The following RALYL variants were observed in gnomAD, a reference collection of about 807,000 sequenced individuals.
RALYL encodes RNA-binding Raly-like protein.
Under a neutral mutation model 35.1 loss-of-function variants are expected in RALYL, and 29 were observed. That is an observed-to-expected ratio of 0.83 (90% CI 0.61 to 1.13). The LOEUF is 1.13. Ranked by LOEUF, RALYL falls within the 50% of genes most tolerant of loss-of-function variation. The probability of loss-of-function intolerance (pLI) is 0.00; values close to 1 mark genes in which losing one functional copy is unlikely to be tolerated. For synonymous variants in RALYL, 120 were observed against 127.6 expected, an observed-to-expected ratio of 0.94 and a Z score of 0.40; for missense variants, 359 against 360.4, an observed-to-expected ratio of 1.00 and a Z score of 0.03.
intron 1 of RALYL, chr8:84,185,129 GTCGTCT>G: frequency 9.3e-7 from 1 of 1,070,520 alleles, no homozygotes; most frequent in East Asian, 2.4e-5. Flanking sequence ...GCCTGCTGGT[GTCGTCT>G]TCCAGGGGAT....
intron 1 of RALYL, among the ~76,000 whole-genome samples, chr8:84,193,823 C>T (rs1365823850): frequency 2.0e-5 from 3 of 152,080 alleles, no homozygotes; most frequent in Non-Finnish European, 4.4e-5. Flanking sequence ...TTGAGGATTA[C>T]TTGGTTAGAG....
chr8:84,524,397 A>T (rs913656861), intron 1 of RALYL, among the ~76,000 whole-genome samples: 3 of 152,154 alleles, frequency 2.0e-5, no homozygotes, highest in Non-Finnish European at 4.4e-5. Flanking sequence ...AAAACCACAA[A>T]GAGATACCAT....
intron 3 of RALYL, among the ~76,000 whole-genome samples, chr8:84,793,398 A>C (rs778247756): frequency 4.6e-5 from 7 of 152,214 alleles, no homozygotes; most frequent in Non-Finnish European, 1.0e-4. Context: ...CTGCTCTTCA[A>C]AGTTCATGTT....
At chr8:84,253,790 A>G (rs932616709) in intron 1 of RALYL, among the ~76,000 whole-genome samples, 3 of 152,084 alleles carry the variant, frequency 2.0e-5, no homozygotes, top group Admixed American at 6.6e-5. Context: ...ATAATTTAAA[A>G]CAGTATTTCT....
At chr8:84,367,548 G>T (rs562823438) in intron 1 of RALYL, among the ~76,000 whole-genome samples, 1 of 151,082 alleles carries the variant, frequency 6.6e-6, no homozygotes, top group African/African-American at 2.4e-5. Context: ...TTTCAATAAG[G>T]TTTATATCTG....
intron 1 of RALYL, among the ~76,000 whole-genome samples, chr8:84,285,166 C>T (rs550476769): frequency 1.3e-4 from 20 of 152,254 alleles, no homozygotes; most frequent in African/African-American, 2.4e-4. Context: ...ATGCCAAACA[C>T]GGCTCCGTGT....
At chr8:84,755,043 C>G (rs1811045088) in intron 2 of RALYL, among the ~76,000 whole-genome samples, 1 of 152,088 alleles carries the variant, frequency 6.6e-6, no homozygotes, top group Non-Finnish European at 1.5e-5. Flanking sequence ...CCATGAGCAG[C>G]TATAGTTATA....
At chr8:84,265,551 A>G (rs1384469968) in intron 1 of RALYL, among the ~76,000 whole-genome samples, 1 of 152,198 alleles carries the variant, frequency 6.6e-6, no homozygotes, top group Non-Finnish European at 1.5e-5. Flanking sequence ...CAGTAACCTG[A>G]TGATTAAGGA....
intron 1 of RALYL, among the ~76,000 whole-genome samples, chr8:84,198,713 G>C (rs1365595933): frequency 5.3e-5 from 8 of 152,024 alleles, no homozygotes; most frequent in Admixed American, 1.3e-4. Flanking sequence ...GTTTGGGGAC[G>C]TTTGGATCCC....
chr8:84,185,468 G>A (rs1158690968), intron 1 of RALYL, among the ~76,000 whole-genome samples: 3 of 152,068 alleles, frequency 2.0e-5, no homozygotes, highest in Non-Finnish European at 4.4e-5. Context: ...GTATAATTTA[G>A]CATTACTTTT....
intron 4 of RALYL, among the ~76,000 whole-genome samples, chr8:84,811,478 G>A (rs1825895919): frequency 6.6e-6 from 1 of 152,112 alleles, no homozygotes; most frequent in African/African-American, 2.4e-5. Context: ...TAGATAACTT[G>A]ATGACAGTGT....
chr8:84,344,983 A>G (rs979901901), intron 1 of RALYL, among the ~76,000 whole-genome samples: 1 of 152,072 alleles, frequency 6.6e-6, no homozygotes, highest in Non-Finnish European at 1.5e-5. Flanking sequence ...TGGCTTTTGT[A>G]AATAATGCTG....
intron 1 of RALYL, among the ~76,000 whole-genome samples, chr8:84,283,630 T>G (rs1006247776): frequency 6.6e-6 from 1 of 152,150 alleles, no homozygotes; most frequent in African/African-American, 2.4e-5. Context: ...AAACACCATT[T>G]TAGTGATCAA....
At chr8:84,567,494 GGTCT>G (rs1255245718) in intron 2 of RALYL, among the ~76,000 whole-genome samples, 8 of 151,632 alleles carry the variant, frequency 5.3e-5, no homozygotes, top group African/African-American at 1.9e-4. Flanking sequence ...ATTTTACTTA[GGTCT>G]CCATCACCAT....
intron 1 of RALYL, among the ~76,000 whole-genome samples, chr8:84,481,151 C>G (rs926877448): frequency 2.0e-4 from 30 of 152,038 alleles, no homozygotes; most frequent in African/African-American, 6.8e-4. Context: ...GAGAACAGGT[C>G]AATTTTTAAG....
At chr8:84,298,102 C>T (rs750614553) in intron 1 of RALYL, among the ~76,000 whole-genome samples, 3 of 152,038 alleles carry the variant, frequency 2.0e-5, no homozygotes, top group Non-Finnish European at 4.4e-5. Context: ...ATCATGAAAT[C>T]TTTGCCAGAG....
intron 2 of RALYL, among the ~76,000 whole-genome samples, chr8:84,756,857 C>T (rs1811543508): frequency 6.6e-6 from 1 of 151,654 alleles, no homozygotes; most frequent in Non-Finnish European, 1.5e-5. Flanking sequence ...ATTTTGATTA[C>T]TCTGTGAATA....
At chr8:84,506,777 T>C in intron 1 of RALYL, among the ~76,000 whole-genome samples, 1 of 152,128 alleles carries the variant, frequency 6.6e-6, no homozygotes, top group Non-Finnish European at 1.5e-5. Context: ...AGAATACAAG[T>C]AAAATTTTAC....
At chr8:84,282,892 G>A (rs370949815) in intron 1 of RALYL, among the ~76,000 whole-genome samples, 7 of 151,820 alleles carry the variant, frequency 4.6e-5, no homozygotes, top group Non-Finnish European at 8.8e-5. Context: ...ATAGAAGAGC[G>A]CGTTCAACTA....
Sources: gnomAD v4.1 joint callset for allele counts (sites outside exome capture counted in the v4.1 genomes callset) on GRCh38, gnomAD v4.1.1 for gene constraint, MANE v1.5 for transcripts, NCBI Gene and HGNC (gene_info 2026-07-23, HGNC 2026-07-21) for gene names.